CNTN5: variants seen among roughly 807,000 people sequenced by gnomAD.
The protein encoded by CNTN5 is contactin 5.
Under a neutral mutation model 129.1 loss-of-function variants are expected in CNTN5, and 77 were observed. The ratio of observed to expected loss-of-function variants is 0.60; its 90% CI spans 0.50 to 0.72. CNTN5 has a LOEUF of 0.72. CNTN5 is among the 30% of genes least tolerant of loss of function. The probability of loss-of-function intolerance (pLI) is 0.00; values close to 1 mark genes in which losing one functional copy is unlikely to be tolerated. For synonymous variants in CNTN5, 509 were observed against 465.6 expected (o/e 1.09, Z -1.20); for missense variants, 1,478 against 1,328.8 (o/e 1.11, Z -1.75).
chr11:99,271,103 T>G (rs1863149775), intron 1 of CNTN5, among the ~76,000 whole-genome samples: 1 of 151,932 alleles, frequency 6.6e-6, no homozygotes, highest in Admixed American at 6.6e-5. Flanking sequence ...TTACCTAGTT[T>G]TATAGTCTCC....
At chr11:99,420,522 T>G (rs1194659201) in intron 2 of CNTN5, among the ~76,000 whole-genome samples, 1 of 152,156 alleles carries the variant, frequency 6.6e-6, no homozygotes, top group Admixed American at 6.5e-5. Flanking sequence ...AAGAGCAAGC[T>G]TCTACAGCTC....
intron 1 of CNTN5, among the ~76,000 whole-genome samples, chr11:99,089,841 C>A (rs1386074642): frequency 6.6e-6 from 1 of 152,006 alleles, no homozygotes; most frequent in Non-Finnish European, 1.5e-5. Context: ...TCTGGGCTAG[C>A]CTTGTCATTT....
At chr11:100,263,290 A>T (rs556206216) in intron 17 of CNTN5, among the ~76,000 whole-genome samples, 3 of 152,158 alleles carry the variant, frequency 2.0e-5, no homozygotes, top group Non-Finnish European at 4.4e-5. Context: ...AGAAATCAGT[A>T]AAATATTTGC....
At chr11:100,240,592 A>G (rs991293726) in intron 16 of CNTN5, among the ~76,000 whole-genome samples, 3 of 152,334 alleles carry the variant, frequency 2.0e-5, no homozygotes, top group Non-Finnish European at 4.4e-5. Flanking sequence ...AGTTAAATAT[A>G]AAATTAATGA....
intron 3 of CNTN5, among the ~76,000 whole-genome samples, chr11:99,795,658 T>C (rs1335448521): frequency 6.6e-6 from 1 of 152,126 alleles, no homozygotes; most frequent in Non-Finnish European, 1.5e-5. Flanking sequence ...TTGGATCTTT[T>C]TTTAAAAAAA....
intron 2 of CNTN5, among the ~76,000 whole-genome samples, chr11:99,462,360 C>CTTTTTTTTTT (rs72276833): frequency 6.9e-4 from 87 of 125,230 alleles, no homozygotes; most frequent in East Asian, 1.8e-3. Flanking sequence ...CTTTTCTTTT[C>CTTTTTTTTTT]TTTTTTTTTT....
chr11:99,502,886 T>G (rs2135387351), intron 2 of CNTN5, among the ~76,000 whole-genome samples: 1 of 152,294 alleles, frequency 6.6e-6, no homozygotes. Flanking sequence ...TCCCAAAGTA[T>G]TTTTCTTCAC....
chr11:99,915,556 T>C (rs138063955), intron 6 of CNTN5, among the ~76,000 whole-genome samples: 1 of 152,278 alleles, frequency 6.6e-6, no homozygotes, highest in Non-Finnish European at 1.5e-5. Context: ...AGAATGCTTT[T>C]TCTATTTTTA....
chr11:99,211,605 AG>A (rs1365601816), intron 1 of CNTN5, among the ~76,000 whole-genome samples: 1 of 150,240 alleles, frequency 6.7e-6, no homozygotes, highest in African/African-American at 2.4e-5. Flanking sequence ...TAATTATGCA[AG>A]TTTCTTCTCT....
chr11:99,623,784 C>A (rs1951036604), intron 3 of CNTN5, among the ~76,000 whole-genome samples: 1 of 150,072 alleles, frequency 6.7e-6, no homozygotes, highest in East Asian at 2.0e-4. Context: ...ACTAAGGTAT[C>A]TGTATTTATT....
intron 2 of CNTN5, among the ~76,000 whole-genome samples, chr11:99,489,211 A>T (rs1047945667): frequency 6.6e-6 from 1 of 152,164 alleles, no homozygotes; most frequent in South Asian, 2.1e-4. Flanking sequence ...TTTTTAGTCA[A>T]CTTGCTAAAT....
intron 7 of CNTN5, among the ~76,000 whole-genome samples, chr11:99,955,895 G>A (rs1697928937): frequency 6.6e-6 from 1 of 152,046 alleles, no homozygotes; most frequent in African/African-American, 2.4e-5. Flanking sequence ...AAATATTAGC[G>A]AAATCTTGCT....
At chr11:99,123,069 G>C (rs1858434425) in intron 1 of CNTN5, among the ~76,000 whole-genome samples, 1 of 152,234 alleles carries the variant, frequency 6.6e-6, no homozygotes, top group South Asian at 2.1e-4. Flanking sequence ...CCCAAAATGG[G>C]ATTACTGGGT....
intron 23 of CNTN5, among the ~76,000 whole-genome samples, chr11:100,344,121 C>T (rs774989061): frequency 2.0e-5 from 3 of 152,002 alleles, no homozygotes; most frequent in Non-Finnish European, 4.4e-5. Flanking sequence ...AACTACTTCA[C>T]TTTTGCAAGC....
intron 1 of CNTN5, among the ~76,000 whole-genome samples, chr11:99,276,317 A>G (rs1302769214): frequency 6.6e-6 from 1 of 151,718 alleles, no homozygotes; most frequent in Non-Finnish European, 1.5e-5. Flanking sequence ...CCAAGTCATG[A>G]ACGCAGAAAA....
At chr11:100,137,115 A>G (rs1452163621) in intron 13 of CNTN5, among the ~76,000 whole-genome samples, 1 of 152,040 alleles carries the variant, frequency 6.6e-6, no homozygotes, top group Non-Finnish European at 1.5e-5. Flanking sequence ...AAAGACAAGG[A>G]TGTGTTTTTA....
At chr11:99,798,858 A>G (rs914039312) in intron 3 of CNTN5, among the ~76,000 whole-genome samples, 2 of 152,118 alleles carry the variant, frequency 1.3e-5, no homozygotes, top group Non-Finnish European at 2.9e-5. Context: ...TCTGGGCAGT[A>G]TGGCCATTTT....
chr11:99,411,034 A>G (rs1348413378), intron 2 of CNTN5, among the ~76,000 whole-genome samples: 1 of 152,192 alleles, frequency 6.6e-6, no homozygotes, highest in Non-Finnish European at 1.5e-5. Flanking sequence ...CATAAATAAA[A>G]CTTTCATTAT....
intron 20 of CNTN5, among the ~76,000 whole-genome samples, chr11:100,301,344 C>A (rs1799239191): frequency 1.3e-5 from 2 of 151,524 alleles, no homozygotes. Flanking sequence ...TAATTTATAG[C>A]AGCCACCATG....
Sources: allele counts gnomAD v4.1 joint callset (sites outside exome capture counted in the v4.1 genomes callset), GRCh38; gene constraint gnomAD v4.1.1; transcripts MANE v1.5; gene names NCBI Gene and HGNC (gene_info 2026-07-23, HGNC 2026-07-21).